The following ZNF225 variants were observed in gnomAD, a reference collection of about 807,000 sequenced individuals.
ZNF225 encodes the protein zinc finger protein 225.
Under a neutral mutation model 12.0 loss-of-function variants are expected in ZNF225, and 6 were observed. The observed-to-expected ratio is 0.50, with a 90% CI of 0.27 to 0.98. The LOEUF (loss-of-function observed/expected upper bound fraction) is 0.98, where lower values mean the gene tolerates loss of function less well. ZNF225 is among the 50% of genes least tolerant of loss of function. The pLI is 0.11. For missense variants in ZNF225, 763 were observed against 848.2 expected (o/e 0.90, Z 1.25); for synonymous variants, 271 against 283.2 (o/e 0.96, Z 0.43).
At position 44,131,212 on chromosome 19, in the gene ZNF225, G is replaced by A; in HGVS notation, c.598G>A (p.Gly200Arg). 6.2e-7 allele frequency: 1 copy of A among 1,614,190 alleles called. No homozygotes were observed. The highest frequency in any genetic ancestry group is 8.5e-7 in the Non-Finnish European group (1 of 1,180,040). ...TCGTATTCATCAGAGAGTTCACATG[G>A]GGGAGAAACTCTATAATTGTGATGT... is the stretch of plus-strand genomic sequence containing the variant. ...ALRIHQRVHM[G>R]EKLYNCDVCG... The change falls in exon 5 of 5, where the codon GGG becomes AGG. Residue 200 changes from glycine (G) to arginine (R), a missense_variant. Transcript: ENST00000262894.
In ZNF225 at chr19:44,131,701, C is replaced by T; in HGVS notation, c.1087C>T (p.Gln363Ter). 1 of 1,614,096 alleles carries T rather than the reference C, an allele frequency of 6.2e-7. No homozygotes were observed. The highest frequency in any genetic ancestry group is 2.2e-5 in the East Asian group (1 of 44,880). The stretch of plus-strand genomic sequence containing the variant: ...TTATAGGCAAGATCTTTATAAGCAT[C>T]AGATAGACCACACAGGGGAGAAGCC... ...FIYRQDLYKH[Q>*]IDHTGEKPYN... The change falls in exon 5 of 5, where the codon CAG becomes TAG. Residue 363 changes from glutamine (Q) to a stop codon, truncating the protein, a stop_gained. Transcript: ENST00000262894. LOFTEE classifies it low-confidence loss of function (END_TRUNC).
intron 1 of ZNF225, 155 bp from the exon 2 acceptor site, chr19:44,115,605 T>C (rs1231183126): frequency 6.5e-6 from 3 of 461,998 alleles, no homozygotes; most frequent in Non-Finnish European, 1.2e-5. Context: ...CATGTACGCA[T>C]AGGAGGGAGT....
chr19:44,118,462 A>G lies in ZNF225; in HGVS notation c.143-20A>G, dbSNP rs766362247. 9.9e-6 allele frequency: 16 copies of G among 1,613,382 alleles called. No homozygotes were observed. The East Asian group carries it at 2.2e-4, about 22-fold the overall frequency. On this transcript the variant is annotated intron_variant, in intron 3 of 4. Transcript: ENST00000262894. ...TCTAGGATATATTGGCACTAAGCAC[A>G]TGACTTTTCACGTTCACAGGGCATC...
chr19:44,113,845 G>A (rs1300934452), intron 1 of ZNF225, among the ~76,000 whole-genome samples: 1 of 152,190 alleles, frequency 6.6e-6, no homozygotes, highest in African/African-American at 2.4e-5. Flanking sequence ...TAATAGAATC[G>A]TTTTGGGAAC....
At chr19:44,111,742 A>G (rs1321681579), upstream of ZNF225, among the ~76,000 whole-genome samples, 3 of 152,046 alleles carry the variant, frequency 2.0e-5, no homozygotes, top group Non-Finnish European at 4.4e-5. Context: ...AATAGAAAAG[A>G]GAGAAAGATT....
At position 44,131,920 on chromosome 19, in the gene ZNF225, G is replaced by T; in HGVS notation, c.1306G>T (p.Gly436Cys). The T allele has an allele frequency of 6.2e-7, 1 of 1,613,674 alleles. No homozygotes were observed. The highest frequency in any genetic ancestry group is 8.5e-7 in the Non-Finnish European group (1 of 1,179,874). ...ATATAGATGTGAGGAGTGTGGGAAGGGCTACAAAAGGAGGTTGGATCTTGA... is the reference window on the plus strand; with the variant it reads ...ATATAGATGTGAGGAGTGTGGGAAGTGCTACAAAAGGAGGTTGGATCTTGA... ...KPYRCEECGK[G>C]YKRRLDLDFH... The change falls in exon 5 of 5, where the codon GGC becomes TGC. Residue 436 changes from glycine to cysteine, a missense_variant. Gly to Cys is a radical substitution (Grantham distance 159). Coordinates refer to ENST00000262894, the MANE Select transcript of ZNF225 (RefSeq NM_013362.4).
Position 44,134,490 on chromosome 19 carries a change from T to C in ZNF225, c.*1755T>C, listed in dbSNP as rs1968351774. 6.6e-6 allele frequency: 1 copy of C among 152,248 alleles called. No individual in the cohort carries two copies. The highest frequency in any genetic ancestry group is 2.4e-5 in the African/African-American group (1 of 41,464). The allele number at this position is 152,248 out of a possible 1,614,324, so 9.4% of individuals were successfully genotyped here. ...AAGATTTGCAGTCTCAGGCCTGTTATATTAACTTTTTGTGCACATAGTACT... is the reference window on the plus strand; with the variant it reads ...AAGATTTGCAGTCTCAGGCCTGTTACATTAACTTTTTGTGCACATAGTACT... On this transcript the variant is annotated 3_prime_UTR_variant, in exon 5 of 5. Coordinates refer to ENST00000262894, the MANE Select transcript of ZNF225 (RefSeq NM_013362.4).
chr19:44,126,199 CTGT>C (rs1047745956), intron 4 of ZNF225, among the ~76,000 whole-genome samples: 59 of 152,250 alleles, frequency 3.9e-4, no homozygotes, highest in African/African-American at 1.3e-3. Context: ...GGGCTGAAGG[CTGT>C]TGTTCAGATT....
chr19:44,131,417 C>T lies in ZNF225; in HGVS notation c.803C>T (p.Ala268Val), dbSNP rs777976645. 1.2e-6 allele frequency: 2 copies of T among 1,613,926 alleles called. No individual in the cohort carries two copies. The highest frequency in any genetic ancestry group is 1.7e-6 in the Non-Finnish European group (2 of 1,179,968). ...KPHICEKCGK[A>V]FIHDSQLQEH... ...CATATTTGTGAGAAATGTGGGAAGG[C>T]CTTCATTCATGATTCCCAGCTTCAG... Residue 268 changes from alanine (A) to valine (V), a missense_variant, in exon 5 of 5, where the codon GCC (alanine) becomes GTC (valine). Physicochemically the swap from Ala to Val is moderately conservative, Grantham distance 64. Coordinates refer to ENST00000262894, the MANE Select transcript of ZNF225 (RefSeq NM_013362.4).
chr19:44,120,376 G>A (rs1421141495), intron 4 of ZNF225, among the ~76,000 whole-genome samples: 1 of 152,216 alleles, frequency 6.6e-6, no homozygotes, highest in Non-Finnish European at 1.5e-5. Flanking sequence ...TCACAGGCTA[G>A]AAGGTATTGT....
upstream of ZNF225, chr19:44,112,743 G>C (rs1289066268): frequency 6.6e-6 from 1 of 152,218 alleles, no homozygotes. Flanking sequence ...AGTGGCAACG[G>C]AAAATATGCA....
chr19:44,126,548 C>T (rs1968150405), intron 4 of ZNF225, among the ~76,000 whole-genome samples: 1 of 152,080 alleles, frequency 6.6e-6, no homozygotes, highest in African/African-American at 2.4e-5. Context: ...TTCCAGAGAG[C>T]ATCAGCTGTG....
intron 1 of ZNF225, chr19:44,113,956 G>A (rs1967883274): frequency 3.7e-6 from 1 of 272,924 alleles, no homozygotes; most frequent in Admixed American, 5.4e-5. Flanking sequence ...GTCCCCGGGT[G>A]GGGTGAAACT....
At chr19:44,118,353 AG>A (rs1331004658) in intron 3 of ZNF225, 39 bp downstream of exon 3, 1 of 1,609,954 alleles carries the variant, frequency 6.2e-7, no homozygotes, top group Non-Finnish European at 8.5e-7. Context: ...CATCAGGACC[AG>A]GAGTGGCTTT....
In ZNF225 at chr19:44,131,148, T is replaced by G; in HGVS notation, c.534T>G (p.Cys178Trp). 4 of 1,614,220 alleles carry G rather than the reference T, an allele frequency of 2.5e-6. No homozygotes were observed. The highest frequency in any genetic ancestry group is 3.4e-6 in the Non-Finnish European group (4 of 1,180,024). The change falls in exon 5 of 5, where the codon TGT becomes TGG. Residue 178 changes from cysteine (C) to tryptophan (W), a missense_variant. Cys to Trp is a radical substitution (Grantham distance 215, BLOSUM62 -2). Transcript: ENST00000262894. Reference protein sequence around the residue: ...QLQSREKSHTCDECGKSFCYS... With the variant: ...QLQSREKSHTWDECGKSFCYS... ...AGTCAAGAGAGAAGTCTCATACATG[T>G]GATGAATGTGGAAAGAGTTTCTGTT...
At position 44,131,742 on chromosome 19, in the gene ZNF225, A is replaced by G. The variant is rs1236474107; in HGVS notation, c.1128A>G (p.Glu376=). 3 of 1,614,126 alleles carry G rather than the reference A, an allele frequency of 1.9e-6. No individual in the cohort carries two copies. Among genetic ancestry groups the G allele is most frequent in the Non-Finnish European group, 1.7e-6 (2 of 1,180,050 alleles). ...GGGAGAAGCCATATAATTGTAAAGAATGTGGAAAGAGCTTCAGATGGGCCT... is the reference window on the plus strand; with the variant it reads ...GGGAGAAGCCATATAATTGTAAAGAGTGTGGAAAGAGCTTCAGATGGGCCT... ...HTGEKPYNCK[E]CGKSFRWASG... Residue 376 remains glutamate (E), a synonymous_variant, in exon 5 of 5, where the codon GAA becomes GAG. Coordinates refer to ENST00000262894, the MANE Select transcript of ZNF225 (RefSeq NM_013362.4).
At chr19:44,127,451 T>C (rs557885094) in intron 4 of ZNF225, among the ~76,000 whole-genome samples, 1 of 152,214 alleles carries the variant, frequency 6.6e-6, no homozygotes, top group South Asian at 2.1e-4. Flanking sequence ...CTCTTGGGAT[T>C]GCTAGTTTGT....
Position 44,131,283 on chromosome 19 carries a change from G to A in ZNF225, c.669G>A (p.Gln223=), listed in dbSNP as rs1177788026. Residue 223 remains glutamine, a synonymous_variant, in exon 5 of 5, where the codon CAG becomes CAA. Transcript: ENST00000262894. ...FNQSSHLQIH[Q]RIHTGEKPFK... ...AGAGCTCACATCTGCAAATTCATCA[G>A]AGAATCCACACTGGAGAGAAACCAT... The A allele has an allele frequency of 2.5e-6, 4 of 1,614,220 alleles. No individual in the cohort carries two copies. Among genetic ancestry groups the A allele is most frequent in the Middle Eastern group, 1.6e-4 (1 of 6,062 alleles).
At chr19:44,111,795 G>GCTTA (rs1967837133), upstream of ZNF225, among the ~76,000 whole-genome samples, 1 of 152,208 alleles carries the variant, frequency 6.6e-6, no homozygotes, top group Admixed American at 6.5e-5. Flanking sequence ...AGTAGTGATT[G>GCTTA]CTTAGTGGGC....
Sources: gnomAD v4.1 joint callset for allele counts (sites outside exome capture counted in the v4.1 genomes callset) on GRCh38, gnomAD v4.1.1 for gene constraint, MANE v1.5 for transcripts, NCBI Gene and HGNC (gene_info 2026-07-23, HGNC 2026-07-21) for gene names.